Variants in CACNA2D4 observed in about 807,000 individuals in gnomAD.
The protein encoded by CACNA2D4 is voltage-dependent calcium channel subunit alpha-2/delta-4.
In CACNA2D4, 157 loss-of-function variants were observed where a neutral mutation model predicts 163.8. That is an observed-to-expected ratio of 0.96 (90% CI 0.84 to 1.09). The LOEUF (loss-of-function observed/expected upper bound fraction) is 1.09, where lower values mean the gene tolerates loss of function less well. Ranked by LOEUF, CACNA2D4 falls within the 50% of genes least tolerant of loss-of-function variation. The pLI, the probability that CACNA2D4 is intolerant of heterozygous loss-of-function variation, is 0.00. For synonymous variants in CACNA2D4, 598 were observed against 586.9 expected (o/e 1.02, Z -0.27); for missense variants, 1,410 against 1,479.9 (o/e 0.95, Z 0.78).
At position 1,799,766 on chromosome 12, in the gene CACNA2D4, T is replaced by C; in HGVS notation, c.2975-71A>G. On this transcript the variant is annotated intron_variant, in intron 33 of 37. Transcript: ENST00000382722. This position sits in a 1 kb window ranked among gnomAD's most constrained non-coding sequence, Gnocchi z 4.7. Reference sequence around the variant, plus strand: ...AACATGGTGGCACATGAGGGCAGGATGTCATGGGGTGGTGATGATGGCACA... The same window carrying C: ...AACATGGTGGCACATGAGGGCAGGACGTCATGGGGTGGTGATGATGGCACA... 6.5e-7 allele frequency: 1 copy of C among 1,532,316 alleles called. No individual in the cohort carries two copies. 94.9% of individuals were successfully genotyped at this position (1,532,316 alleles called of 1,614,324 possible).
chr12:1,845,374 C>T (rs916382829), intron 24 of CACNA2D4, among the ~76,000 whole-genome samples: 18 of 116,294 alleles, frequency 1.5e-4, no homozygotes, highest in African/African-American at 2.0e-4. Flanking sequence ...TCTCCACCTC[C>T]GCAGGGATGG....
intron 13 of CACNA2D4, among the ~76,000 whole-genome samples, chr12:1,880,412 T>A (rs1865969525): frequency 6.6e-6 from 1 of 152,212 alleles, no homozygotes; most frequent in Non-Finnish European, 1.5e-5. Flanking sequence ...TCGGGGCCGT[T>A]CCTAGGACAC....
chr12:1,853,843 C>T (rs776164722), intron 23 of CACNA2D4, 108 bp downstream of exon 23: 256 of 784,938 alleles, frequency 3.3e-4, no homozygotes, highest in African/African-American at 7.7e-4. Flanking sequence ...GGCCAAAGGA[C>T]GTGGGTTCTC....
At chr12:1,852,000 T>C (rs1865293964) in intron 23 of CACNA2D4, among the ~76,000 whole-genome samples, 1 of 152,222 alleles carries the variant, frequency 6.6e-6, no homozygotes, top group Non-Finnish European at 1.5e-5. Flanking sequence ...TTCTTGCCTT[T>C]TAAAATAAGC....
intron 23 of CACNA2D4, among the ~76,000 whole-genome samples, chr12:1,851,485 A>C (rs117698340): frequency 0.014 from 2,158 of 152,196 alleles, 21 homozygotes; most frequent in South Asian, 0.031. Flanking sequence ...CATAGACTAA[A>C]TTTTCACATG....
chr12:1,811,190 A>C (rs921652022), intron 27 of CACNA2D4, among the ~76,000 whole-genome samples: 2 of 151,962 alleles, frequency 1.3e-5, no homozygotes, highest in East Asian at 3.9e-4. Context: ...AGCTTGAGGG[A>C]GATGAAGGGG....
intron 37 of CACNA2D4, 118 bp downstream of exon 37, chr12:1,795,175 GAAGCAC>G: frequency 1.3e-6 from 1 of 756,130 alleles, no homozygotes; most frequent in South Asian, 1.6e-5. Flanking sequence ...TTTCCCCCGA[GAAGCAC>G]AGGCACAGGT....
intron 18 of CACNA2D4, among the ~76,000 whole-genome samples, chr12:1,873,616 A>T (rs1296473200): frequency 1.3e-5 from 2 of 152,204 alleles, no homozygotes; most frequent in Non-Finnish European, 2.9e-5. Flanking sequence ...GCTGGGCTCC[A>T]TGAGAGCTCA....
chr12:1,796,284 A>C (rs1863124919), intron 35 of CACNA2D4, among the ~76,000 whole-genome samples: 2 of 152,198 alleles, frequency 1.3e-5, no homozygotes, highest in South Asian at 4.1e-4. Flanking sequence ...CGGCCTTCCC[A>C]GCAGTCCCAG....
At chr12:1,809,597 T>G in intron 29 of CACNA2D4, 1 of 700,880 alleles carries the variant, frequency 1.4e-6, no homozygotes, top group African/African-American at 1.8e-5. Context: ...TGAGGCCCCT[T>G]TTGGAGCCCA....
At chr12:1,915,190 C>T (rs929221129) in intron 1 of CACNA2D4, 1 of 702,574 alleles carries the variant, frequency 1.4e-6, no homozygotes, top group African/African-American at 1.7e-5. Flanking sequence ...CACAAAAGAG[C>T]ACCTGTCCCT....
At position 1,834,203 on chromosome 12, in the gene CACNA2D4, A is replaced by T; in HGVS notation, c.2551+6536T>A. ...GGGCTTCCGTTTTGGGGAGCTGGGG[A>T]TGGGGAGAGGGAGTGCAAGTTCTAG... On this transcript the variant is annotated intron_variant, in intron 26 of 37. Coordinates refer to ENST00000382722, the MANE Select transcript of CACNA2D4 (RefSeq NM_172364.5). This position sits in a 1 kb window ranked among gnomAD's most constrained non-coding sequence, Gnocchi z 7.6. 6.7e-7 allele frequency: 1 copy of T among 1,497,338 alleles called. No individual in the cohort carries two copies. Among genetic ancestry groups the T allele is most frequent in the Non-Finnish European group, 8.9e-7 (1 of 1,122,884 alleles). The allele number at this position is 1,497,338 out of a possible 1,614,324, so 92.8% of individuals were successfully genotyped here.
intron 37 of CACNA2D4, among the ~76,000 whole-genome samples, chr12:1,794,129 G>A (rs1863046864): frequency 6.6e-6 from 1 of 152,180 alleles, no homozygotes; most frequent in Admixed American, 6.5e-5. Context: ...ATCCGTACCA[G>A]CCACTATGAC....
At position 1,799,887 on chromosome 12, in the gene CACNA2D4, G is replaced by A; in HGVS notation, c.2974+113C>T. 7.7e-7 allele frequency: 1 copy of A among 1,301,872 alleles called. No homozygotes were observed. Among genetic ancestry groups the A allele is most frequent in the Non-Finnish European group, 1.1e-6 (1 of 927,252 alleles). 80.6% of individuals were successfully genotyped at this position (1,301,872 alleles called of 1,614,324 possible). ...CGCAGGGTGAGATGTGAACAACGAT[G>A]CTTCAGGGTCACCTATCCCCACTGT... On this transcript the variant is annotated intron_variant, in intron 33 of 37. Coordinates refer to ENST00000382722, the MANE Select transcript of CACNA2D4 (RefSeq NM_172364.5). The surrounding 1 kb of genome is among the most constrained non-coding windows in gnomAD (Gnocchi z 4.7).
In CACNA2D4 at chr12:1,914,908, G is replaced by A. The variant is rs375466678; in HGVS notation, c.255C>T (p.Gly85=). 222 of 1,613,600 alleles carry A rather than the reference G, an allele frequency of 1.4e-4. No individual in the cohort carries two copies. The highest frequency in any genetic ancestry group is 2.5e-4 in the East Asian group (11 of 44,882). Residue 85 remains glycine (G), a synonymous_variant, in exon 2 of 38, where the codon GGC becomes GGT. Transcript: ENST00000382722. ...ETVKLWADTF[G]GDLYNTVTKY... The stretch of plus-strand genomic sequence containing the variant: ...TGGTCACAGTGTTATACAGGTCCCC[G>A]CCGAAGGTGTCAGCCCATAGCTTCA...
In CACNA2D4 at chr12:1,801,044, C is replaced by A. The variant is rs1312611763; in HGVS notation, c.2867G>T (p.Ser956Ile). The A allele has an allele frequency of 3.1e-6, 5 of 1,612,850 alleles. No individual in the cohort carries two copies. In the African/African-American group the frequency reaches 6.7e-5, roughly 22 times the overall value. ...HHHSAAQPLV[S>I]PISAFLTATR... ...AGGGAAGGGCTGGGTGACACTCACG[C>A]TGACCAGGGGCTGGGCTGCACTGTG... The change falls in exon 31 of 38, where the codon AGC (serine) becomes ATC (isoleucine). Residue 956 changes from serine to isoleucine, a missense_variant and splice_region_variant. Transcript: ENST00000382722.
intron 3 of CACNA2D4, among the ~76,000 whole-genome samples, chr12:1,911,481 T>C (rs1866816862): frequency 6.6e-6 from 1 of 151,892 alleles, no homozygotes; most frequent in South Asian, 2.1e-4. Context: ...CAACTATAAA[T>C]TGGGTAGGAT....
chr12:1,809,526 G>C lies in CACNA2D4; in HGVS notation c.2721+752C>G, dbSNP rs901272129. ...ACATCTGGTGAATATATCTGGATTTGCTTCAGGTTTGAATGGGCTTCTTTC... is the reference window on the plus strand; with the variant it reads ...ACATCTGGTGAATATATCTGGATTTCCTTCAGGTTTGAATGGGCTTCTTTC... On this transcript the variant is annotated intron_variant, in intron 29 of 37. Coordinates refer to ENST00000382722, the MANE Select transcript of CACNA2D4 (RefSeq NM_172364.5). 1.6e-5 allele frequency: 11 copies of C among 702,772 alleles called. No homozygotes were observed. The Admixed American group carries it at 1.8e-4, about 12-fold the overall frequency. The allele number at this position is 702,772 out of a possible 1,614,324, so 43.5% of individuals were successfully genotyped here.
intron 3 of CACNA2D4, among the ~76,000 whole-genome samples, chr12:1,911,305 G>A (rs543260429): frequency 2.0e-5 from 3 of 152,204 alleles, no homozygotes; most frequent in South Asian, 2.1e-4. Flanking sequence ...GTGAGCCACC[G>A]TGCCTGGCAC....
Sources: gnomAD v4.1 joint callset for allele counts (sites outside exome capture counted in the v4.1 genomes callset) on GRCh38, gnomAD v4.1.1 for gene constraint, Gnocchi (gnomAD v3.1) non-coding constraint, MANE v1.5 for transcripts, NCBI Gene and HGNC (gene_info 2026-07-23, HGNC 2026-07-21) for gene names.